The following MAP3K20 variants were observed in gnomAD, a reference collection of about 807,000 sequenced individuals.
MAP3K20 encodes the protein HCCS-4.
In MAP3K20, 40 loss-of-function variants were observed where a neutral mutation model predicts 85.7. That is an observed-to-expected ratio of 0.47 (90% CI 0.36 to 0.61). The LOEUF (loss-of-function observed/expected upper bound fraction) is 0.61, where lower values mean the gene tolerates loss of function less well. MAP3K20 is among the 20% of genes least tolerant of loss of function. MAP3K20 has a pLI of 0.00. For missense variants in MAP3K20, 817 were observed against 961.7 expected (o/e 0.85, Z 1.99); for synonymous variants, 325 against 327.7 (o/e 0.99, Z 0.09).
intron 11 of MAP3K20, chr2:173,226,729 A>T: frequency 1.0e-6 from 1 of 985,822 alleles, no homozygotes; most frequent in African/African-American, 1.7e-5. Flanking sequence ...GCAGAATAGT[A>T]TATCTTTTAA....
chr2:173,200,836 T>G (rs1691032336), intron 8 of MAP3K20, among the ~76,000 whole-genome samples: 2 of 152,180 alleles, frequency 1.3e-5, no homozygotes, highest in Admixed American at 1.3e-4. Context: ...TTCACCATAT[T>G]GGCCAGGCTG....
chr2:173,212,271 T>G (rs375285089), intron 10 of MAP3K20: 1 of 151,350 alleles, frequency 6.6e-6, no homozygotes, highest in Admixed American at 6.6e-5. Flanking sequence ...CCAGGGCATG[T>G]GGAGCTCTCC....
chr2:173,107,759 T>G (rs570267584), intron 2 of MAP3K20, among the ~76,000 whole-genome samples: 2 of 152,258 alleles, frequency 1.3e-5, no homozygotes, highest in African/African-American at 2.4e-5. Flanking sequence ...CAGATAATAA[T>G]AGAGTCCACT....
chr2:173,245,858 G>A (rs747907458), intron 16 of MAP3K20, among the ~76,000 whole-genome samples: 5 of 152,190 alleles, frequency 3.3e-5, no homozygotes, highest in Non-Finnish European at 5.9e-5. Context: ...CTTAAACCCA[G>A]GAGGCAAGGT....
chr2:173,178,023 A>T (rs79795238), intron 3 of MAP3K20, among the ~76,000 whole-genome samples: 1 of 152,146 alleles, frequency 6.6e-6, no homozygotes, highest in African/African-American at 2.4e-5. Flanking sequence ...CAATAGCAAA[A>T]ATCAGTTTAT....
intron 2 of MAP3K20, among the ~76,000 whole-genome samples, chr2:173,149,232 T>C (rs766042859): frequency 2.0e-5 from 3 of 152,244 alleles, no homozygotes; most frequent in Non-Finnish European, 4.4e-5. Context: ...CAAAGTGTTC[T>C]TGTATTTATT....
At chr2:173,192,918 T>C (rs1171247187) in intron 7 of MAP3K20, 1 of 152,180 alleles carries the variant, frequency 6.6e-6, no homozygotes, top group East Asian at 1.9e-4. Flanking sequence ...TAATATATAT[T>C]TTTGGCTTTG....
chr2:173,082,108 C>T (rs191314474), intron 1 of MAP3K20, among the ~76,000 whole-genome samples: 129 of 152,018 alleles, frequency 8.5e-4, no homozygotes, highest in African/African-American at 2.9e-3. Flanking sequence ...CCCAAGCTAT[C>T]CTCCCACCTC....
rs1684068576 is a variant in MAP3K20 at position 173,216,268 on chromosome 2, G to A, written c.852-847G>A. Reference sequence around the variant, plus strand: ...AACAGATTTCTGTAACATGGCACATGGTTCCAAGTGGTGAGGTTGGTTGGC... The same window carrying A: ...AACAGATTTCTGTAACATGGCACATAGTTCCAAGTGGTGAGGTTGGTTGGC... On this transcript the variant is annotated intron_variant, in intron 10 of 19. Coordinates refer to ENST00000375213, the MANE Select transcript of MAP3K20 (RefSeq NM_016653.3). 2.6e-5 allele frequency among the ~76,000 whole-genome samples: 4 copies of A among 152,326 alleles called. No homozygotes were observed. The South Asian group carries it at 8.3e-4, about 32-fold the overall frequency.
chr2:173,107,199 CT>C (rs1382593533), intron 2 of MAP3K20, among the ~76,000 whole-genome samples: 2 of 152,092 alleles, frequency 1.3e-5, no homozygotes, highest in African/African-American at 2.4e-5. Context: ...GGAAAGAGTA[CT>C]GTCTGGAGGT....
chr2:173,085,970 A>G (rs940025003), intron 1 of MAP3K20, among the ~76,000 whole-genome samples: 6 of 151,076 alleles, frequency 4.0e-5, no homozygotes, highest in African/African-American at 7.3e-5. Flanking sequence ...TAATTTTTGC[A>G]TTTTTAGTAG....
chr2:173,203,749 A>G, intron 8 of MAP3K20, 47 bp from the exon 9 acceptor site: 1 of 1,438,864 alleles, frequency 6.9e-7, no homozygotes, highest in Non-Finnish European at 9.8e-7. Context: ...GACATTAATG[A>G]ATAAATCCCT....
At chr2:173,216,534 C>T (rs1684077911) in intron 10 of MAP3K20, among the ~76,000 whole-genome samples, 1 of 151,224 alleles carries the variant, frequency 6.6e-6, no homozygotes, top group Non-Finnish European at 1.5e-5. Flanking sequence ...AAACAAGTTG[C>T]CTATGTAAGT....
At chr2:173,171,327 T>G (rs11901996) in intron 3 of MAP3K20, among the ~76,000 whole-genome samples, 20,966 of 152,200 alleles carry the variant, frequency 0.14, 1,945 homozygotes, top group African/African-American at 0.26. Flanking sequence ...TGATCCTCGT[T>G]TGTGGCTGAT....
intron 2 of MAP3K20, among the ~76,000 whole-genome samples, chr2:173,138,685 C>A (rs914056685): frequency 7.9e-5 from 12 of 152,162 alleles, no homozygotes; most frequent in African/African-American, 2.9e-4. Flanking sequence ...AGCTCTTACA[C>A]CCTGTTAGGT....
intron 4 of MAP3K20, among the ~76,000 whole-genome samples, chr2:173,184,050 AC>A (rs1480508158): frequency 6.6e-6 from 1 of 152,200 alleles, no homozygotes; most frequent in African/African-American, 2.4e-5. Context: ...AGGGTGGTGT[AC>A]CTGAGACTTT....
chr2:173,097,945 C>T (rs1183525624), intron 2 of MAP3K20, among the ~76,000 whole-genome samples: 2 of 152,128 alleles, frequency 1.3e-5, no homozygotes, highest in Non-Finnish European at 2.9e-5. Flanking sequence ...ACTTTATTAG[C>T]TCATGGGAGG....
At chr2:173,238,261 A>G in intron 14 of MAP3K20, 112 bp from the exon 15 acceptor site, 2 of 862,466 alleles carry the variant, frequency 2.3e-6, no homozygotes, top group Non-Finnish European at 3.6e-6. Context: ...AAATGCCCCC[A>G]AGATATTTTA....
At chr2:173,222,942 AAGG>A (rs1684290398) in intron 11 of MAP3K20, 2 of 985,264 alleles carry the variant, frequency 2.0e-6, no homozygotes, top group Admixed American at 6.1e-5. Flanking sequence ...CTAAATTAGA[AAGG>A]AGTGTCATTA....
Sources: gnomAD v4.1 joint callset for allele counts (sites outside exome capture counted in the v4.1 genomes callset) on GRCh38, gnomAD v4.1.1 for gene constraint, MANE v1.5 for transcripts, NCBI Gene and HGNC (gene_info 2026-07-23, HGNC 2026-07-21) for gene names.